TPST1: variants seen among roughly 807,000 people sequenced by gnomAD.
TPST1 encodes the protein tyrosylprotein sulfotransferase 1, also known as protein-tyrosine sulfotransferase 1.
TPST1 carries 20 observed loss-of-function variants against 34.8 expected under a neutral mutation model. The observed-to-expected ratio is 0.57, with a 90% confidence interval of 0.40 to 0.84. The LOEUF is 0.84. TPST1 is among the 40% of genes least tolerant of loss of function. The pLI, the probability that TPST1 is intolerant of heterozygous loss-of-function variation, is 0.00. For missense variants in TPST1, 353 were observed against 455.5 expected (o/e 0.78, Z 2.05); for synonymous variants, 152 against 159.4 (o/e 0.95, Z 0.35).
At chr7:66,263,500 G>A (rs1405770921) in intron 2 of TPST1, among the ~76,000 whole-genome samples, 5 of 152,074 alleles carry the variant, frequency 3.3e-5, no homozygotes, top group Non-Finnish European at 7.4e-5. Context: ...AAAACCTGAG[G>A]CAATATTTCT....
chr7:66,203,202 CACAA>C (rs1163418275), upstream of TPST1, among the ~76,000 whole-genome samples: 8 of 151,728 alleles, frequency 5.3e-5, no homozygotes, highest in Middle Eastern at 3.4e-3. Context: ...CACATATACA[CACAA>C]ACACACACAC....
At chr7:66,303,391 G>GTGTGTGTATGTATGTATGTA (rs147490083) in intron 3 of TPST1, among the ~76,000 whole-genome samples, 29 of 150,164 alleles carry the variant, frequency 1.9e-4, no homozygotes, top group East Asian at 7.8e-4. Context: ...ACAGCTGTGT[G>GTGTGTGTATGTATGTATGTA]TGTATGTATG....
chr7:66,268,178 C>T (rs978440748), intron 2 of TPST1, among the ~76,000 whole-genome samples: 1 of 152,130 alleles, frequency 6.6e-6, no homozygotes, highest in African/African-American at 2.4e-5. Context: ...GTCTTGAACT[C>T]CTGACCTCAA....
At chr7:66,221,302 A>G (rs761235055) in intron 1 of TPST1, among the ~76,000 whole-genome samples, 1 of 152,192 alleles carries the variant, frequency 6.6e-6, no homozygotes, top group Non-Finnish European at 1.5e-5. Flanking sequence ...ATTGAGGGAA[A>G]TCAAGTAAAG....
chr7:66,303,432 C>T (rs1209793792), intron 3 of TPST1, among the ~76,000 whole-genome samples: 2 of 39,330 alleles, frequency 5.1e-5, no homozygotes, highest in African/African-American at 1.3e-4. Flanking sequence ...TATTTTGAAA[C>T]GGAGTCTCAT....
At chr7:66,252,357 C>CTT (rs1396946200) in intron 2 of TPST1, among the ~76,000 whole-genome samples, 9 of 88,372 alleles carry the variant, frequency 1.0e-4, no homozygotes, top group Admixed American at 1.3e-4. Context: ...CGCGCCCAGC[C>CTT]TTTTTTTTTT....
intron 3 of TPST1, among the ~76,000 whole-genome samples, chr7:66,342,789 G>C (rs1792265687): frequency 6.6e-6 from 1 of 152,132 alleles, no homozygotes. Context: ...TATAGTTATA[G>C]AGTAAGAACT....
chr7:66,293,462 C>CA (rs1791129455), intron 3 of TPST1, among the ~76,000 whole-genome samples: 1 of 152,086 alleles, frequency 6.6e-6, no homozygotes, highest in African/African-American at 2.4e-5. Flanking sequence ...GAGAGTATGC[C>CA]ACTGTACTGT....
At chr7:66,252,357 CT>C (rs1396946200) in intron 2 of TPST1, among the ~76,000 whole-genome samples, 442 of 88,392 alleles carry the variant, frequency 5.0e-3, no homozygotes, top group African/African-American at 0.012. Flanking sequence ...CGCGCCCAGC[CT>C]TTTTTTTTTT....
At chr7:66,204,994 C>T (rs1789091757), upstream of TPST1, among the ~76,000 whole-genome samples, 1 of 152,250 alleles carries the variant, frequency 6.6e-6, no homozygotes, top group Non-Finnish European at 1.5e-5. Context: ...GGGGTGGGGG[C>T]GGTGAGGACC....
Position 66,276,365 on chromosome 7 carries a change from CAT to C in TPST1, c.846-10131_846-10130del, listed in dbSNP as rs138862941. Among the ~76,000 whole-genome samples, 29 of 90,858 alleles carry C rather than the reference CAT, an allele frequency of 3.2e-4. 3 individuals carry two copies. Among genetic ancestry groups the C allele is most frequent in the African/African-American group, 1.2e-3 (21 of 16,826 alleles). The allele number at this position is 90,858 out of a possible 152,430, so 59.6% of individuals were successfully genotyped here. On this transcript the variant is annotated intron_variant, in intron 2 of 5. Transcript: ENST00000304842. ...TTCTTCTTAAATTTTAAAAACATTT[CAT>C]ATATATATATATATGTATTTTTTTG...
chr7:66,345,953 T>G (rs1221271940), intron 3 of TPST1, among the ~76,000 whole-genome samples: 1 of 152,012 alleles, frequency 6.6e-6, no homozygotes, highest in South Asian at 2.1e-4. Flanking sequence ...TACCCTATAA[T>G]TATCCCCTCC....
intron 2 of TPST1, among the ~76,000 whole-genome samples, chr7:66,257,473 C>T (rs774535549): frequency 1.4e-4 from 22 of 152,206 alleles, no homozygotes; most frequent in Non-Finnish European, 3.1e-4. Context: ...AGTTATTCTT[C>T]CTTTTTCATG....
chr7:66,318,616 G>A (rs1290367204), intron 3 of TPST1, among the ~76,000 whole-genome samples: 5 of 152,066 alleles, frequency 3.3e-5, no homozygotes, highest in South Asian at 2.1e-4. Flanking sequence ...ACAGGTGCCC[G>A]CCACCACGCC....
At position 66,328,906 on chromosome 7, in the gene TPST1, ATTT is replaced by A. The variant is rs1172711561; in HGVS notation, c.1045-23578_1045-23576del. ...TCTCTCTATATATATATATATATAT[ATTT>A]TTTTTTTTTTTTTTTTTTTTGAGAC... On this transcript the variant is annotated intron_variant, in intron 3 of 5. Coordinates refer to ENST00000304842, the MANE Select transcript of TPST1 (RefSeq NM_003596.4). Among the ~76,000 whole-genome samples the A allele has an allele frequency of 3.0e-3, 39 of 13,138 alleles. 2 individuals are homozygous for A. Among genetic ancestry groups the A allele is most frequent in the South Asian group, 0.014 (5 of 358 alleles). The allele number at this position is 13,138 out of a possible 152,430, so 8.6% of individuals were successfully genotyped here.
At position 66,240,910 on chromosome 7, in the gene TPST1, T is replaced by A; in HGVS notation, c.485T>A (p.Phe162Tyr). 1 of 1,614,186 alleles carries A rather than the reference T, an allele frequency of 6.2e-7. No individual in the cohort carries two copies. The highest frequency in any genetic ancestry group is 8.5e-7 in the Non-Finnish European group (1 of 1,180,042). Residue 162 changes from phenylalanine (F) to tyrosine (Y), a missense_variant, in exon 2 of 6, where the codon TTT becomes TAT. By Grantham distance (22) the Phe-to-Tyr change is conservative (BLOSUM62 3). Transcript: ENST00000304842. ...PAPYLCNKDP[F>Y]ALKSLTYLSR... ...CCTTATTTATGTAATAAAGATCCTT[T>A]TGCCCTGAAATCTTTAACTTACCTT...
chr7:66,246,785 A>G lies in TPST1; in HGVS notation c.845+5515A>G, dbSNP rs1790158784. Among the ~76,000 whole-genome samples the G allele has an allele frequency of 2.0e-5, 3 of 152,312 alleles. No individual in the cohort carries two copies. The South Asian group carries it at 6.2e-4, about 32-fold the overall frequency. ...TCCAAGTTGGAGCGCCAGTCATTTC[A>G]TCTACATTCTAAGCAGCACAGCAGG... is the stretch of plus-strand genomic sequence containing the variant. On this transcript the variant is annotated intron_variant, in intron 2 of 5. Coordinates refer to ENST00000304842, the MANE Select transcript of TPST1 (RefSeq NM_003596.4).
chr7:66,328,878 CTCTCTCTCTATA>C (rs1388711761), intron 3 of TPST1, among the ~76,000 whole-genome samples: 1 of 25,248 alleles, frequency 4.0e-5, no homozygotes, highest in Non-Finnish European at 7.8e-5. Context: ...CTCTCTCTCT[CTCTCTCTCTATA>C]TATATATATA....
At chr7:66,297,177 A>G (rs1257888117) in intron 3 of TPST1, among the ~76,000 whole-genome samples, 1 of 152,152 alleles carries the variant, frequency 6.6e-6, no homozygotes, top group Non-Finnish European at 1.5e-5. Context: ...TCATCCACTC[A>G]TAGGGCTTTC....
Sources: allele counts gnomAD v4.1 joint callset (sites outside exome capture counted in the v4.1 genomes callset), GRCh38; gene constraint gnomAD v4.1.1; transcripts MANE v1.5; gene names NCBI Gene and HGNC (gene_info 2026-07-23, HGNC 2026-07-21).